TAMM41: variants seen among roughly 807,000 people sequenced by gnomAD.
TAMM41 encodes phosphatidate cytidylyltransferase, mitochondrial.
Under a neutral mutation model 44.1 loss-of-function variants are expected in TAMM41, and 36 were observed. The observed-to-expected ratio is 0.82, with a 90% CI of 0.63 to 1.08. The LOEUF is 1.08. Ranked by LOEUF, TAMM41 falls within the 50% of genes least tolerant of loss-of-function variation. The pLI, the probability that TAMM41 is intolerant of heterozygous loss-of-function variation, is 0.00. For synonymous variants in TAMM41, 164 were observed against 153.1 expected, an observed-to-expected ratio of 1.07 and a Z score of -0.53; for missense variants, 417 against 404.3, an observed-to-expected ratio of 1.03 and a Z score of -0.27.
At chr3:11,788,283 T>C (rs993275452), downstream of TAMM41, among the ~76,000 whole-genome samples, 1 of 152,180 alleles carries the variant, frequency 6.6e-6, no homozygotes, top group South Asian at 2.1e-4. Context: ...GGGTCTTGAA[T>C]AGGCTGAGGA....
the TAMM41 span, among the ~76,000 whole-genome samples, chr3:11,771,640 T>C: frequency 5.3e-5 from 8 of 151,926 alleles, no homozygotes; most frequent in Admixed American, 5.2e-4. Context: ...TGGAGTGCAG[T>C]GGTGTGATCT....
At chr3:11,729,904 T>C in the TAMM41 span, among the ~76,000 whole-genome samples, 1 of 152,078 alleles carries the variant, frequency 6.6e-6, no homozygotes, top group Non-Finnish European at 1.5e-5. Context: ...TTTAATGCAG[T>C]GTGATCCTAT....
intron 6 of TAMM41, chr3:11,808,397 C>T: frequency 1.0e-6 from 1 of 995,484 alleles, no homozygotes; most frequent in Non-Finnish European, 1.2e-6. Flanking sequence ...AACAGTGTGC[C>T]TCGTACAGAG....
intron 6 of TAMM41, chr3:11,808,792 C>A (rs1286722373): frequency 5.0e-6 from 1 of 200,308 alleles, no homozygotes; most frequent in Admixed American, 6.5e-5. Flanking sequence ...GTGGTGCGAT[C>A]CTAGCTCATT....
chr3:11,813,898 ATGTATATATGTG>A (rs1159698281), intron 5 of TAMM41, among the ~76,000 whole-genome samples: 1 of 147,196 alleles, frequency 6.8e-6, no homozygotes, highest in Non-Finnish European at 1.5e-5. Flanking sequence ...ATGTGTATAT[ATGTATATATGTG>A]TGTATATATG....
chr3:11,769,255 A>AATTTTTGT, the TAMM41 span, among the ~76,000 whole-genome samples: 1 of 151,994 alleles, frequency 6.6e-6, no homozygotes, highest in Non-Finnish European at 1.5e-5. Flanking sequence ...ACGCACAGCT[A>AATTTTTGT]ATTTTTGTAT....
At chr3:11,822,648 T>C (rs2078569208) in intron 4 of TAMM41, among the ~76,000 whole-genome samples, 1 of 152,236 alleles carries the variant, frequency 6.6e-6, no homozygotes, top group Non-Finnish European at 1.5e-5. Flanking sequence ...TTATACACTA[T>C]CTGGAGTTAT....
intron 2 of TAMM41, among the ~76,000 whole-genome samples, chr3:11,839,543 G>A (rs950437051): frequency 6.6e-6 from 1 of 152,184 alleles, no homozygotes; most frequent in Non-Finnish European, 1.5e-5. Context: ...GGTTGCAACT[G>A]TCTTCACAAG....
the TAMM41 span, among the ~76,000 whole-genome samples, chr3:11,729,476 C>G: frequency 5.2e-4 from 78 of 149,404 alleles, no homozygotes; most frequent in African/African-American, 1.9e-3. Context: ...ATTCTTCCAA[C>G]TGGGATTGCC....
At chr3:11,735,571 A>C in the TAMM41 span, among the ~76,000 whole-genome samples, 1 of 151,264 alleles carries the variant, frequency 6.6e-6, no homozygotes, top group South Asian at 2.1e-4. Flanking sequence ...GGAGGTGGAG[A>C]CTGCAGTGAG....
the TAMM41 span, among the ~76,000 whole-genome samples, chr3:11,768,113 A>C: frequency 6.7e-6 from 1 of 148,566 alleles, no homozygotes; most frequent in East Asian, 2.0e-4. Flanking sequence ...CCATTTGCAT[A>C]TCTTCTTTGG....
intron 6 of TAMM41, 120 bp from the exon 7 acceptor site, chr3:11,808,015 T>C: frequency 6.3e-6 from 9 of 1,430,686 alleles, no homozygotes; most frequent in Non-Finnish European, 8.2e-6. Flanking sequence ...CCACCAAATC[T>C]ATCTCTGTCC....
chr3:11,733,453 G>A, the TAMM41 span, among the ~76,000 whole-genome samples: 30 of 152,038 alleles, frequency 2.0e-4, no homozygotes, highest in African/African-American at 7.2e-4. Flanking sequence ...GGTGTTGCAT[G>A]ACTCAGCATC....
chr3:11,729,521 C>CT, the TAMM41 span, among the ~76,000 whole-genome samples: 3 of 93,966 alleles, frequency 3.2e-5, no homozygotes, highest in Admixed American at 1.3e-4. Flanking sequence ...TTCTTTCTTT[C>CT]TTTCTTTTCT....
At chr3:11,753,375 A>G in the TAMM41 span, among the ~76,000 whole-genome samples, 18 of 152,112 alleles carry the variant, frequency 1.2e-4, no homozygotes, top group Admixed American at 5.2e-4. Context: ...CAAAGGATGC[A>G]GTGAGCCAAG....
chr3:11,771,438 TG>T, the TAMM41 span: 2 of 152,246 alleles, frequency 1.3e-5, no homozygotes, highest in Non-Finnish European at 2.9e-5. Context: ...ACCTGATGGA[TG>T]ACTTTGGGCT....
chr3:11,770,381 C>G, the TAMM41 span, among the ~76,000 whole-genome samples: 1 of 152,204 alleles, frequency 6.6e-6, no homozygotes, highest in Non-Finnish European at 1.5e-5. Context: ...TCCTGCACCT[C>G]TCTGTCCAAG....
At position 11,831,428 on chromosome 3, in the gene TAMM41, C is replaced by T. The variant is rs908204845; in HGVS notation, c.412-1564G>A. ...ATCTTTTAAAAACATCATACTGTTT[C>T]TGATTGACTTTCTATACAAAGTAAA... is the stretch of plus-strand genomic sequence containing the variant. On this transcript the variant is annotated intron_variant, in intron 3 of 7. Coordinates refer to ENST00000455809, the MANE Select transcript of TAMM41 (RefSeq NM_001284401.2). Among the ~76,000 whole-genome samples, 19 of 152,278 alleles carry T rather than the reference C, an allele frequency of 1.2e-4. 1 individual carries two copies. In the East Asian group the frequency reaches 3.7e-3, roughly 29 times the overall value.
the TAMM41 span, among the ~76,000 whole-genome samples, chr3:11,782,579 C>T: frequency 6.6e-6 from 1 of 151,406 alleles, no homozygotes; most frequent in East Asian, 1.9e-4. Flanking sequence ...AAAGTGGGAT[C>T]GTATCTACGT....
Sources: allele counts gnomAD v4.1 joint callset (sites outside exome capture counted in the v4.1 genomes callset), GRCh38; gene constraint gnomAD v4.1.1; transcripts MANE v1.5; gene names NCBI Gene and HGNC (gene_info 2026-07-23, HGNC 2026-07-21).